The following RUNX1T1 variants were observed in gnomAD, a reference collection of about 807,000 sequenced individuals.
RUNX1T1 encodes protein CBFA2T1.
RUNX1T1 carries 4 observed loss-of-function variants against 62.8 expected under a neutral mutation model. The ratio of observed to expected loss-of-function variants is 0.06; its 90% CI spans 0.03 to 0.15. The LOEUF is 0.15. Ranked by LOEUF, RUNX1T1 falls within the 10% of genes least tolerant of loss-of-function variation. The pLI is 1.00. For missense variants in RUNX1T1, 508 were observed against 754.3 expected, an observed-to-expected ratio of 0.67 and a Z score of 3.82; for synonymous variants, 291 against 286.0, an observed-to-expected ratio of 1.02 and a Z score of -0.18.
At chr8:92,004,992 A>G in intron 5 of RUNX1T1, 124 bp downstream of exon 6, 3 of 806,670 alleles carry the variant, frequency 3.7e-6, no homozygotes, top group Non-Finnish European at 5.7e-6. Flanking sequence ...GATGGCCACA[A>G]TGGCTTATTG....
upstream of RUNX1T1, among the ~76,000 whole-genome samples, chr8:92,063,817 C>T (rs1272891797): frequency 2.0e-5 from 3 of 152,176 alleles, no homozygotes; most frequent in Non-Finnish European, 4.4e-5. Flanking sequence ...CAACAGGGCA[C>T]ATGATGAGGT....
intron 1 of RUNX1T1, among the ~76,000 whole-genome samples, chr8:92,039,340 G>A (rs1563821833): frequency 6.6e-6 from 1 of 151,872 alleles, no homozygotes; most frequent in Non-Finnish European, 1.5e-5. Flanking sequence ...TCTGTTCCTG[G>A]TCCCTTTGTA....
At chr8:91,958,207 C>G, downstream of RUNX1T1, 1 of 197,056 alleles carries the variant, frequency 5.1e-6, no homozygotes, top group South Asian at 1.9e-4. Context: ...GTTGTCTACA[C>G]AGCCTGCAGC....
At position 92,017,132 on chromosome 8, in the gene RUNX1T1, G is replaced by A. The variant is rs559542445; in HGVS notation, c.145+94C>T. ...GTTCATTTCTGCATAATACATTGAT[G>A]CTGAATTTTATTTTCCCTTGATTTT... On this transcript the variant is annotated intron_variant, in intron 2 of 10. Coordinates refer to ENST00000396218, the Ensembl canonical transcript of RUNX1T1. The A allele has an allele frequency of 3.1e-6, 3 of 952,668 alleles. No homozygotes were observed. The East Asian group carries it at 7.4e-5, about 23-fold the overall frequency. The allele number at this position is 952,668 out of a possible 1,614,324, so 59.0% of individuals were successfully genotyped here. A position where few individuals can be genotyped will look rare whatever the true frequency, so the allele number is the denominator to read the frequency against.
At chr8:92,055,329 C>T (rs913285788) in intron 1 of RUNX1T1, among the ~76,000 whole-genome samples, 22 of 152,158 alleles carry the variant, frequency 1.4e-4, no homozygotes, top group African/African-American at 5.1e-4. Context: ...GTAACTCTTC[C>T]TTTTAAAGAT....
At chr8:91,999,073 A>G (rs1281135952) in intron 5 of RUNX1T1, among the ~76,000 whole-genome samples, 1 of 152,208 alleles carries the variant, frequency 6.6e-6, no homozygotes, top group Non-Finnish European at 1.5e-5. Flanking sequence ...TGGCAGTACA[A>G]AGATGAGAGA....
intron 10 of RUNX1T1, 38 bp downstream of exon 11, chr8:91,970,620 A>G: frequency 6.5e-7 from 1 of 1,529,874 alleles, no homozygotes. Context: ...ATGAATGAAA[A>G]CTATCTTGTT....
rs370639668 is a variant in RUNX1T1 at position 91,987,002 on chromosome 8, T to C, written c.911-30A>G. 2.2e-5 allele frequency: 32 copies of C among 1,429,874 alleles called. 1 individual carries two copies. In the Admixed American group the frequency reaches 2.5e-4, roughly 11 times the overall value. 88.6% of individuals were successfully genotyped at this position (1,429,874 alleles called of 1,614,324 possible). On this transcript the variant is annotated intron_variant, in intron 6 of 10. Coordinates refer to ENST00000396218, the Ensembl canonical transcript of RUNX1T1. ...AAAAATAGAGAAGGCTGAATAACCC[T>C]AAAGCATTCAGTACACAACCCATAA...
At chr8:92,050,764 T>C (rs564473660) in intron 1 of RUNX1T1, among the ~76,000 whole-genome samples, 2 of 152,304 alleles carry the variant, frequency 1.3e-5, no homozygotes, top group Admixed American at 6.5e-5. Context: ...GCTCAAGTTA[T>C]CCTTTTAAAG....
chr8:92,021,916 C>T (rs147820373), intron 1 of RUNX1T1, among the ~76,000 whole-genome samples: 2 of 150,098 alleles, frequency 1.3e-5, no homozygotes, highest in Non-Finnish European at 3.0e-5. Flanking sequence ...TAGAATGACC[C>T]GTCCCACTTG....
At chr8:92,064,522 G>T (rs776234844), upstream of RUNX1T1, among the ~76,000 whole-genome samples, 1 of 152,114 alleles carries the variant, frequency 6.6e-6, no homozygotes, top group Non-Finnish European at 1.5e-5. Flanking sequence ...ATTAAGTCCT[G>T]CTATAAGGGC....
At chr8:92,075,879 TA>T (rs1834346894) in intron 2 of RUNX1T1, 85 bp downstream of exon 2, 1 of 1,245,984 alleles carries the variant, frequency 8.0e-7, no homozygotes. Flanking sequence ...AGAAAATCTT[TA>T]CAATTATAAT....
At chr8:91,994,303 G>A (rs1178320082) in intron 5 of RUNX1T1, among the ~76,000 whole-genome samples, 1 of 152,098 alleles carries the variant, frequency 6.6e-6, no homozygotes, top group African/African-American at 2.4e-5. Flanking sequence ...AAAGTAAACT[G>A]AAACATTCTA....
chr8:91,975,859 A>G (rs918632101), intron 9 of RUNX1T1, 46 bp downstream of exon 10: 3 of 1,291,086 alleles, frequency 2.3e-6, no homozygotes, highest in Non-Finnish European at 3.4e-6. Flanking sequence ...TAACAACTGC[A>G]CACAGCTGCC....
exon 11 of RUNX1T1, chr8:91,959,991 T>G: frequency 1.9e-6 from 1 of 534,662 alleles, no homozygotes. Flanking sequence ...TTATATTCTC[T>G]GCTCTCTTTT....
At chr8:92,069,114 T>C (rs1339567021) in intron 2 of RUNX1T1, among the ~76,000 whole-genome samples, 1 of 150,414 alleles carries the variant, frequency 6.6e-6, no homozygotes, top group Non-Finnish European at 1.5e-5. Context: ...GGTGAAATTA[T>C]ATACAATATT....
intron 9 of RUNX1T1, 32 bp from the exon 11 acceptor site, chr8:91,970,880 A>G (rs1201517489): frequency 1.3e-6 from 2 of 1,542,560 alleles, no homozygotes; most frequent in East Asian, 2.3e-5. Flanking sequence ...CCAGACAAGA[A>G]AACACCTCTC....
intron 1 of RUNX1T1, among the ~76,000 whole-genome samples, chr8:92,048,606 T>G (rs1563843604): frequency 6.6e-6 from 1 of 151,902 alleles, no homozygotes; most frequent in Admixed American, 6.6e-5. Context: ...AGTAAGAAGA[T>G]AGAAAGACAG....
intron 1 of RUNX1T1, among the ~76,000 whole-genome samples, chr8:92,058,899 T>TA (rs1831458311): frequency 6.6e-6 from 1 of 152,198 alleles, no homozygotes; most frequent in African/African-American, 2.4e-5. Flanking sequence ...TAAGATGTCA[T>TA]AACCATCACC....
Sources: gnomAD v4.1 joint callset for allele counts (sites outside exome capture counted in the v4.1 genomes callset) on GRCh38, gnomAD v4.1.1 for gene constraint, MANE v1.5 for transcripts, NCBI Gene and HGNC (gene_info 2026-07-23, HGNC 2026-07-21) for gene names.